Variants in C1GALT1 observed in about 807,000 individuals in gnomAD.
C1GALT1 encodes the protein glycoprotein-N-acetylgalactosamine 3-beta-galactosyltransferase 1.
In C1GALT1, 11 loss-of-function variants were observed where a neutral mutation model predicts 31.0. That is an observed-to-expected ratio of 0.36 (90% CI 0.22 to 0.59). C1GALT1 has a LOEUF of 0.59. C1GALT1 is among the 20% of genes least tolerant of loss of function. C1GALT1 has a pLI of 0.79. For missense variants in C1GALT1, 424 were observed against 425.2 expected, an observed-to-expected ratio of 1.00 and a Z score of 0.03; for synonymous variants, 175 against 143.6, an observed-to-expected ratio of 1.22 and a Z score of -1.56.
At chr7:7,240,476 G>C (rs1187174988) in intron 3 of C1GALT1, among the ~76,000 whole-genome samples, 1 of 152,000 alleles carries the variant, frequency 6.6e-6, no homozygotes, top group Non-Finnish European at 1.5e-5. Context: ...AATATATTTT[G>C]ACCATTCCAA....
At chr7:7,181,270 A>T (rs181011352), upstream of C1GALT1, among the ~76,000 whole-genome samples, 2 of 152,108 alleles carry the variant, frequency 1.3e-5, no homozygotes, top group African/African-American at 4.8e-5. Context: ...GGAAAGGTGG[A>T]GGGGGAGGAG....
intron 2 of C1GALT1, among the ~76,000 whole-genome samples, chr7:7,237,439 T>G (rs1272403646): frequency 1.3e-5 from 2 of 152,252 alleles, no homozygotes; most frequent in African/African-American, 2.4e-5. Context: ...CTTAGTTAAG[T>G]GGACATTTTG....
intron 2 of C1GALT1, among the ~76,000 whole-genome samples, chr7:7,164,204 C>T (rs1365391709): frequency 2.0e-5 from 3 of 152,160 alleles, no homozygotes; most frequent in African/African-American, 4.8e-5. Context: ...CTGAGAAAAA[C>T]AAGCAATGGG....
chr7:7,192,624 A>C (rs189195851), intron 1 of C1GALT1, among the ~76,000 whole-genome samples: 1 of 152,102 alleles, frequency 6.6e-6, no homozygotes, highest in South Asian at 2.1e-4. Flanking sequence ...TGTGTGTTCA[A>C]GTGTGTTTTT....
intron 2 of C1GALT1, among the ~76,000 whole-genome samples, chr7:7,175,452 CCA>C (rs1415137120): frequency 6.6e-6 from 1 of 152,152 alleles, no homozygotes; most frequent in African/African-American, 2.4e-5. Context: ...TTCTAAATTC[CCA>C]CGTATATATG....
At chr7:7,168,204 A>C (rs560637601) in intron 2 of C1GALT1, among the ~76,000 whole-genome samples, 31 of 152,314 alleles carry the variant, frequency 2.0e-4, no homozygotes, top group African/African-American at 7.5e-4. Context: ...GGAAATTTAG[A>C]AAAGATGCAG....
chr7:7,243,488 G>A (rs961933173), intron 3 of C1GALT1, 36 bp from the exon 4 acceptor site: 1 of 1,493,646 alleles, frequency 6.7e-7, no homozygotes, highest in Non-Finnish European at 9.1e-7. Flanking sequence ...GCAATGTGCT[G>A]TTTATTAACA....
chr7:7,181,142 C>T (rs987747151), upstream of C1GALT1, among the ~76,000 whole-genome samples: 1 of 139,172 alleles, frequency 7.2e-6, no homozygotes, highest in African/African-American at 2.8e-5. Flanking sequence ...ATTTGGAACA[C>T]TGACCCCTGA....
At chr7:7,204,261 A>G (rs906088750) in intron 1 of C1GALT1, among the ~76,000 whole-genome samples, 18 of 151,662 alleles carry the variant, frequency 1.2e-4, no homozygotes, top group African/African-American at 4.4e-4. Context: ...CCATACTGAT[A>G]TAGGATTTTC....
intron 2 of C1GALT1, among the ~76,000 whole-genome samples, chr7:7,174,868 G>A (rs1780488776): frequency 6.6e-6 from 1 of 151,880 alleles, no homozygotes; most frequent in South Asian, 2.1e-4. Flanking sequence ...TTAGTTCACT[G>A]TCAATGTTTT....
chr7:7,208,504 C>A (rs991453088), intron 1 of C1GALT1, among the ~76,000 whole-genome samples: 85 of 152,058 alleles, frequency 5.6e-4, no homozygotes, highest in African/African-American at 2.0e-3. Flanking sequence ...TATGCAGTTT[C>A]TTTTGAATGC....
At chr7:7,215,064 C>T (rs1288416716) in intron 1 of C1GALT1, among the ~76,000 whole-genome samples, 1 of 152,214 alleles carries the variant, frequency 6.6e-6, no homozygotes, top group African/African-American at 2.4e-5. Context: ...CACAAGAAGA[C>T]AGCCACCATT....
rs765742047 is a variant in C1GALT1 at position 7,238,271 on chromosome 7, T to G, written c.237T>G (p.Ile79Met). 1.2e-6 allele frequency: 2 copies of G among 1,600,502 alleles called. No individual in the cohort carries two copies. Among genetic ancestry groups the G allele is most frequent in the African/African-American group, 2.7e-5 (2 of 73,768 alleles). Reference protein sequence around the residue: ...SSQHKDENTDIAENLYQKVRI... With the variant: ...SSQHKDENTDMAENLYQKVRI... ...GTTTAATAGATGAGAACACAGACATTGCTGAAAACCTCTATCAGAAAGTTA... is the reference window on the plus strand; with the variant it reads ...GTTTAATAGATGAGAACACAGACATGGCTGAAAACCTCTATCAGAAAGTTA... Residue 79 changes from isoleucine to methionine, a missense_variant, in exon 3 of 4, where the codon ATT becomes ATG. Ile to Met is a conservative substitution (Grantham distance 10). Around this residue, in one of 3 missense-constraint regions of C1GALT1, gnomAD observed 189 missense variants for 158.2 expected, o/e 1.19. Coordinates refer to ENST00000436587, the MANE Select transcript of C1GALT1 (RefSeq NM_020156.5). This position sits in a 1 kb window ranked among gnomAD's most constrained non-coding sequence, Gnocchi z 5.2.
rs573012522 is a variant in C1GALT1 at position 7,207,515 on chromosome 7, A to G, written c.-18+24695A>G. ...CTTTATTCATATTTCCATTTTGTTC[A>G]TACATCATTTTCTTAACTTGGTCCA... On this transcript the variant is annotated intron_variant, in intron 1 of 3. Transcript: ENST00000436587. 4.0e-5 allele frequency among the ~76,000 whole-genome samples: 6 copies of G among 150,706 alleles called. No individual in the cohort carries two copies. In the South Asian group the frequency reaches 1.2e-3, roughly 31 times the overall value.
At chr7:7,223,882 G>A (rs867552533) in intron 1 of C1GALT1, among the ~76,000 whole-genome samples, 1 of 152,100 alleles carries the variant, frequency 6.6e-6, no homozygotes, top group Admixed American at 6.5e-5. Context: ...TTACCATTAA[G>A]TGTACCATTA....
intron 1 of C1GALT1, among the ~76,000 whole-genome samples, chr7:7,189,593 T>C (rs1780969365): frequency 6.6e-6 from 1 of 152,182 alleles, no homozygotes. Flanking sequence ...CTATCTTTTT[T>C]ATTATTTATG....
upstream of C1GALT1, chr7:7,177,990 A>G (rs147220493): frequency 2.7e-5 from 6 of 220,280 alleles, no homozygotes; most frequent in African/African-American, 1.1e-4. Flanking sequence ...GCACTGAAAG[A>G]TAAGTACCTG....
chr7:7,190,796 C>T (rs1189738987), intron 1 of C1GALT1, among the ~76,000 whole-genome samples: 4 of 152,076 alleles, frequency 2.6e-5, no homozygotes, highest in Non-Finnish European at 4.4e-5. Flanking sequence ...TGCCCCTTTC[C>T]AGAATTTCCC....
At chr7:7,223,086 A>G (rs1782587042) in intron 1 of C1GALT1, among the ~76,000 whole-genome samples, 1 of 152,162 alleles carries the variant, frequency 6.6e-6, no homozygotes, top group Admixed American at 6.5e-5. Flanking sequence ...ACATAAATTA[A>G]TATCATTTTA....
Sources: gnomAD v4.1 joint callset for allele counts (sites outside exome capture counted in the v4.1 genomes callset) on GRCh38, gnomAD v4.1.1 for gene constraint, gnomAD v4.1.1 regional missense constraint, Gnocchi (gnomAD v3.1) non-coding constraint, MANE v1.5 for transcripts, NCBI Gene and HGNC (gene_info 2026-07-23, HGNC 2026-07-21) for gene names.